Variants in LARP4 observed in about 807,000 individuals in gnomAD.
LARP4 encodes the protein La ribonucleoprotein 4, also known as la-related protein 4.
LARP4 carries 29 observed loss-of-function variants against 92.9 expected under a neutral mutation model. The ratio of observed to expected loss-of-function variants is 0.31; its 90% CI spans 0.23 to 0.43. The LOEUF (loss-of-function observed/expected upper bound fraction) is 0.43, where lower values mean the gene tolerates loss of function less well. Among genes scored for constraint, LARP4 ranks in the 20% least tolerant of loss-of-function variants. LARP4 has a pLI of 1.00. For missense variants in LARP4, 732 were observed against 860.0 expected (o/e 0.85, Z 1.86); for synonymous variants, 279 against 284.1 (o/e 0.98, Z 0.18).
At chr12:50,449,595 A>G (rs987948107) in intron 8 of LARP4, among the ~76,000 whole-genome samples, 1 of 152,142 alleles carries the variant, frequency 6.6e-6, no homozygotes, top group African/African-American at 2.4e-5. Flanking sequence ...TTTTGGGGCA[A>G]TAGAGAGGAT....
At chr12:50,469,873 C>T (rs1170569036) in intron 13 of LARP4, among the ~76,000 whole-genome samples, 2 of 151,994 alleles carry the variant, frequency 1.3e-5, no homozygotes, top group African/African-American at 4.8e-5. Context: ...TGTGCCATTG[C>T]ACTCCAGCCT....
Position 50,461,168 on chromosome 12 carries a change from A to C in LARP4, c.1155A>C (p.Ser385=), listed in dbSNP as rs774013611. ...CTCAGTTTAGGTCATCTGGTGGTTC[A>C]GAACACTCAACAGAGGGCTCTGTAT... ...VKPQFRSSGG[S]EHSTEGSVSL... Residue 385 remains serine, a synonymous_variant, in exon 11 of 16, where the codon TCA becomes TCC. Coordinates refer to ENST00000398473, the MANE Select transcript of LARP4 (RefSeq NM_052879.5). 9 of 1,614,100 alleles carry C rather than the reference A, an allele frequency of 5.6e-6. No homozygotes were observed. The highest frequency in any genetic ancestry group is 4.4e-5 in the South Asian group (4 of 91,086).
intron 1 of LARP4, among the ~76,000 whole-genome samples, chr12:50,425,564 T>G (rs1021694698): frequency 2.6e-5 from 4 of 152,186 alleles, no homozygotes; most frequent in South Asian, 2.1e-4. Context: ...CAGTCAAAAA[T>G]TATGCTGTAC....
At chr12:50,470,025 A>G (rs2139045560) in intron 13 of LARP4, among the ~76,000 whole-genome samples, 1 of 152,032 alleles carries the variant, frequency 6.6e-6, no homozygotes, top group East Asian at 1.9e-4. Flanking sequence ...TTCGAGACCA[A>G]TGTGGGCAAC....
At chr12:50,405,859 G>A (rs1312652301) in intron 1 of LARP4, among the ~76,000 whole-genome samples, 1 of 152,070 alleles carries the variant, frequency 6.6e-6, no homozygotes, top group Non-Finnish European at 1.5e-5. Context: ...TAGTATTTGC[G>A]TAGCACCTAT....
intron 1 of LARP4, among the ~76,000 whole-genome samples, chr12:50,407,863 A>G (rs1339261795): frequency 1.3e-5 from 2 of 152,176 alleles, no homozygotes; most frequent in Non-Finnish European, 2.9e-5. Context: ...TTAAAATGCA[A>G]ATAGGCACTT....
In LARP4 at chr12:50,475,513, C is replaced by A. The variant is rs755673419; in HGVS notation, c.1837-13C>A. 1.3e-6 allele frequency: 2 copies of A among 1,555,550 alleles called. No homozygotes were observed. Among genetic ancestry groups the A allele is most frequent in the South Asian group, 2.4e-5 (2 of 84,240 alleles). On this transcript the variant is annotated splice_polypyrimidine_tract_variant and intron_variant, in intron 15 of 15. Transcript: ENST00000398473. Reference sequence around the variant, plus strand: ...GTGTACCATAAATGTTTTTTTTTATCATCACTTCAAAGGAACCCCGAAAGT... The same window carrying A: ...GTGTACCATAAATGTTTTTTTTTATAATCACTTCAAAGGAACCCCGAAAGT...
intron 1 of LARP4, among the ~76,000 whole-genome samples, chr12:50,426,686 T>G (rs12321816): frequency 0.041 from 2,671 of 64,792 alleles, 54 homozygotes; most frequent in African/African-American, 0.1. Flanking sequence ...ATGTTTGGGG[T>G]GTGTGTGTGT....
At chr12:50,456,956 G>A (rs142028882) in intron 10 of LARP4, among the ~76,000 whole-genome samples, 55 of 152,066 alleles carry the variant, frequency 3.6e-4, no homozygotes, top group East Asian at 3.3e-3. Flanking sequence ...CTCTGTCACC[G>A]GGCTGTAGTG....
chr12:50,430,450 C>A, intron 3 of LARP4, 45 bp from the exon 4 acceptor site: 1 of 1,069,700 alleles, frequency 9.3e-7, no homozygotes, highest in Non-Finnish European at 1.4e-6. Flanking sequence ...ATCACCTCTA[C>A]TAACATGCTA....
chr12:50,467,116 A>G lies in LARP4; in HGVS notation c.1541A>G (p.Glu514Gly), dbSNP rs766292951. Reference protein sequence around the residue: ...MSDVVKGVYKEKDNEELTISC... With the variant: ...MSDVVKGVYKGKDNEELTISC... ...GATGTTGTTAAAGGTGTCTACAAAG[A>G]AAAGGTAAACACCCAGCATCTGAGT... Residue 514 changes from glutamate to glycine, a missense_variant, in exon 13 of 16, where the codon GAA becomes GGA. This residue lies in a region of LARP4 where 264 missense variants were observed against 269.5 expected (regional missense o/e 0.98). Transcript: ENST00000398473. The G allele has an allele frequency of 6.3e-7, 1 of 1,598,468 alleles. No individual in the cohort carries two copies.
In LARP4 at chr12:50,412,301, TTAG is replaced by T. The variant is rs201313104; in HGVS notation, c.18+11280_18+11282del. 3.7e-3 allele frequency: 898 copies of T among 240,930 alleles called. 7 individuals are homozygous for T. The highest frequency in any genetic ancestry group is 0.02 in the African/African-American group (870 of 43,140). The allele number at this position is 240,930 out of a possible 1,614,324, so 14.9% of individuals were successfully genotyped here. On this transcript the variant is annotated intron_variant, in intron 1 of 15. Transcript: ENST00000398473. ...TTTTCCCCCCCTAAGTACTTGTAAC[TTAG>T]TAGTAGCCCTCTCAGTATTGGAGAT... is the stretch of plus-strand genomic sequence containing the variant.
chr12:50,403,533 T>C (rs1485923338), intron 1 of LARP4, among the ~76,000 whole-genome samples: 1 of 152,240 alleles, frequency 6.6e-6, no homozygotes, highest in Non-Finnish European at 1.5e-5. Context: ...TGGTTTACTT[T>C]GTGATCCTAT....
chr12:50,401,591 T>A (rs1458795744), intron 1 of LARP4, among the ~76,000 whole-genome samples: 1 of 152,208 alleles, frequency 6.6e-6, no homozygotes, highest in Non-Finnish European at 1.5e-5. Flanking sequence ...AGCGAGTTAC[T>A]TTGAATCGAG....
intron 10 of LARP4, chr12:50,455,000 A>G (rs1174501420): frequency 6.6e-6 from 1 of 152,254 alleles, no homozygotes; most frequent in African/African-American, 2.4e-5. Context: ...TCTGAGATGT[A>G]AAATATCATG....
At chr12:50,465,116 A>G (rs1955972097) in intron 12 of LARP4, among the ~76,000 whole-genome samples, 1 of 151,978 alleles carries the variant, frequency 6.6e-6, no homozygotes, top group African/African-American at 2.4e-5. Context: ...TCACGCCTGT[A>G]ATCCCAGCAC....
intron 3 of LARP4, 21 bp from the exon 4 acceptor site, chr12:50,430,474 C>G: frequency 6.8e-7 from 1 of 1,468,104 alleles, no homozygotes; most frequent in Non-Finnish European, 9.4e-7. Flanking sequence ...ACTTTTTTTC[C>G]CTCTTCTTTT....
intron 3 of LARP4, among the ~76,000 whole-genome samples, chr12:50,429,686 C>T (rs899397109): frequency 2.6e-5 from 4 of 152,114 alleles, no homozygotes; most frequent in East Asian, 1.9e-4. Flanking sequence ...TTGCCCAGGC[C>T]GGAGTGCAGT....
chr12:50,455,007 C>A (rs1593283417), intron 10 of LARP4: 1 of 152,142 alleles, frequency 6.6e-6, no homozygotes, highest in Non-Finnish European at 1.5e-5. Context: ...TGTAAAATAT[C>A]ATGTCTGAGA....
Sources: allele counts gnomAD v4.1 joint callset (sites outside exome capture counted in the v4.1 genomes callset), GRCh38; gene constraint gnomAD v4.1.1; regional missense constraint gnomAD v4.1.1; transcripts MANE v1.5; gene names NCBI Gene and HGNC (gene_info 2026-07-23, HGNC 2026-07-21).